MRTFB: variants seen among roughly 807,000 people sequenced by gnomAD.
MRTFB encodes myocardin related transcription factor B, also known as myocardin-related transcription factor B.
Under a neutral mutation model 104.2 loss-of-function variants are expected in MRTFB, and 29 were observed. The observed-to-expected ratio is 0.28, with a 90% CI of 0.21 to 0.38. The LOEUF (loss-of-function observed/expected upper bound fraction) is 0.38. Among genes scored for constraint, MRTFB ranks in the 10% least tolerant of loss-of-function variants. The probability of loss-of-function intolerance (pLI) is 1.00; values close to 1 mark genes in which losing one functional copy is unlikely to be tolerated. For missense variants in MRTFB, 1,270 were observed against 1,341.6 expected, an observed-to-expected ratio of 0.95 and a Z score of 0.83; for synonymous variants, 535 against 519.5, an observed-to-expected ratio of 1.03 and a Z score of -0.41.
At chr16:14,225,945 G>A (rs1007083056) in intron 8 of MRTFB, among the ~76,000 whole-genome samples, 2 of 152,162 alleles carry the variant, frequency 1.3e-5, no homozygotes, top group Non-Finnish European at 2.9e-5. Flanking sequence ...CCTTACTGCA[G>A]AACACCTTGC....
At position 14,244,045 on chromosome 16, in the gene MRTFB, T is replaced by A. The variant is rs190134127; in HGVS notation, c.1080-1483T>A. 5.9e-4 allele frequency among the ~76,000 whole-genome samples: 90 copies of A among 151,908 alleles called. 3 individuals are homozygous for A. In the East Asian group the frequency reaches 0.016, roughly 27 times the overall value. Reference sequence around the variant, plus strand: ...GGCGCCCGCCACCACGCCTGGCTAATTTTTTGTATTTTTAAGTAGAGACGG... The same window carrying A: ...GGCGCCCGCCACCACGCCTGGCTAAATTTTTGTATTTTTAAGTAGAGACGG... On this transcript the variant is annotated intron_variant, in intron 10 of 16. Coordinates refer to ENST00000571589, the MANE Select transcript of MRTFB (RefSeq NM_001308142.2).
the MRTFB span, among the ~76,000 whole-genome samples, chr16:14,009,052 G>A: frequency 6.6e-6 from 1 of 151,884 alleles, no homozygotes; most frequent in Non-Finnish European, 1.5e-5. Flanking sequence ...GAGTTCAAGT[G>A]ATCCTCCCAC....
intron 7 of MRTFB, 87 bp downstream of exon 7, chr16:14,217,374 C>A: frequency 9.0e-7 from 1 of 1,109,194 alleles, no homozygotes; most frequent in Non-Finnish European, 1.3e-6. Context: ...AGGCTAGCAC[C>A]GATCGTGAGT....
chr16:14,195,662 C>T (rs226793), intron 3 of MRTFB: 25,032 of 641,250 alleles, frequency 0.039, 970 homozygotes, highest in East Asian at 0.29. Flanking sequence ...GCCCACCTTA[C>T]GCATTTGTAT....
intron 10 of MRTFB, chr16:14,241,291 AGAAG>A (rs1284568350): frequency 6.5e-6 from 1 of 152,998 alleles, no homozygotes; most frequent in African/African-American, 2.4e-5. Flanking sequence ...ACAACTGCGG[AGAAG>A]GAAGGTGTTT....
chr16:14,041,155 G>A, the MRTFB span, among the ~76,000 whole-genome samples: 1 of 151,880 alleles, frequency 6.6e-6, no homozygotes, highest in African/African-American at 2.4e-5. Flanking sequence ...GGAGTGGGGG[G>A]CGGGGAGAGG....
intron 2 of MRTFB, among the ~76,000 whole-genome samples, chr16:14,086,641 A>G (rs1014725714): frequency 2.0e-5 from 3 of 152,008 alleles, no homozygotes; most frequent in Non-Finnish European, 2.9e-5. Flanking sequence ...GGTTTCTTCA[A>G]TCTCTTTTAT....
the MRTFB span, among the ~76,000 whole-genome samples, chr16:14,022,829 TG>T: frequency 6.7e-6 from 1 of 148,880 alleles, no homozygotes; most frequent in African/African-American, 2.5e-5. Flanking sequence ...CCCGAGTGGC[TG>T]GGATTACAGG....
At chr16:14,071,744 G>A (rs2033711897) in intron 1 of MRTFB, among the ~76,000 whole-genome samples, 1 of 152,140 alleles carries the variant, frequency 6.6e-6, no homozygotes, top group African/African-American at 2.4e-5. Context: ...GAGGTGGAGC[G>A]CCCGGGCCAG....
At chr16:14,140,854 G>T in intron 3 of MRTFB, 94 bp downstream of exon 3, 1 of 1,454,862 alleles carries the variant, frequency 6.9e-7, no homozygotes, top group Admixed American at 1.8e-5. Context: ...ATTTTGGTCA[G>T]TTCAGCAGTC....
Position 14,251,891 on chromosome 16 carries a change from A to C in MRTFB, c.2433A>C (p.Thr811=). ...TCACAAACTCAGCATCATCAAATAC[A>C]GTTCTTCCATATCAGAGACATCCTG... ...KVFTNSASSN[T]VLPYQRHPAP... Residue 811 remains threonine, a synonymous_variant, in exon 14 of 17, where the codon ACA becomes ACC. Coordinates refer to ENST00000571589, the MANE Select transcript of MRTFB (RefSeq NM_001308142.2). 1 of 1,614,218 alleles carries C rather than the reference A, an allele frequency of 6.2e-7. No homozygotes were observed. Among genetic ancestry groups the C allele is most frequent in the Non-Finnish European group, 8.5e-7 (1 of 1,180,016 alleles).
chr16:14,170,703 A>T (rs1367412746), intron 3 of MRTFB, among the ~76,000 whole-genome samples: 1 of 152,214 alleles, frequency 6.6e-6, no homozygotes, highest in Non-Finnish European at 1.5e-5. Context: ...TAGAATAGTC[A>T]TAGGTATTAT....
At chr16:14,145,972 C>T (rs1055348478) in intron 3 of MRTFB, among the ~76,000 whole-genome samples, 2 of 152,242 alleles carry the variant, frequency 1.3e-5, no homozygotes, top group African/African-American at 4.8e-5. Context: ...CTGTTCCTTC[C>T]TGAGGTCGTG....
In MRTFB at chr16:14,240,365, G is replaced by C. The variant is rs535125640; in HGVS notation, c.960G>C (p.Pro320=). 1.2e-6 allele frequency: 2 copies of C among 1,614,148 alleles called. No individual in the cohort carries two copies. Among genetic ancestry groups the C allele is most frequent in the Admixed American group, 3.3e-5 (2 of 60,026 alleles). ...PPDQKGEKNE[P]QMDSNYARLL... ...ATCAGAAGGGTGAGAAGAATGAGCCGCAGATGGACTCTAACTACGCCCGCC... is the reference window on the plus strand; with the variant it reads ...ATCAGAAGGGTGAGAAGAATGAGCCCCAGATGGACTCTAACTACGCCCGCC... Residue 320 remains proline (P), a synonymous_variant, in exon 10 of 17, where the codon CCG becomes CCC. Transcript: ENST00000571589.
intron 2 of MRTFB, among the ~76,000 whole-genome samples, chr16:14,124,733 G>A (rs539842791): frequency 2.6e-5 from 4 of 152,188 alleles, no homozygotes; most frequent in African/African-American, 9.6e-5. Context: ...TTTTTTTGTT[G>A]TGTCTCTGCC....
intron 11 of MRTFB, 45 bp downstream of exon 11, chr16:14,245,705 C>T: frequency 6.3e-7 from 1 of 1,576,888 alleles, no homozygotes; most frequent in South Asian, 1.2e-5. Flanking sequence ...GTACCACAAA[C>T]ATGTAAATGA....
At chr16:14,101,095 ACT>A (rs1247194662) in intron 2 of MRTFB, among the ~76,000 whole-genome samples, 2 of 100,356 alleles carry the variant, frequency 2.0e-5, no homozygotes, top group Admixed American at 1.8e-4. Flanking sequence ...TTTTCTGCTT[ACT>A]CTCTCTGTGG....
At chr16:14,144,445 C>A (rs1740675309) in intron 3 of MRTFB, 1 of 152,016 alleles carries the variant, frequency 6.6e-6, no homozygotes, top group African/African-American at 2.4e-5. Flanking sequence ...ATACAAATTT[C>A]AGTTAGATAG....
intron 3 of MRTFB, chr16:14,200,716 G>T (rs370070188): frequency 1.3e-6 from 2 of 1,524,520 alleles, no homozygotes; most frequent in African/African-American, 2.7e-5. Flanking sequence ...CTGTGTCAGA[G>T]GCTGAATCAG....
Sources: gnomAD v4.1 joint callset for allele counts (sites outside exome capture counted in the v4.1 genomes callset) on GRCh38, gnomAD v4.1.1 for gene constraint, MANE v1.5 for transcripts, NCBI Gene and HGNC (gene_info 2026-07-23, HGNC 2026-07-21) for gene names.